The following KCNH8 variants were observed in gnomAD, a reference collection of about 807,000 sequenced individuals.
KCNH8 encodes the protein voltage-gated delayed rectifier potassium channel KCNH8.
A neutral mutation model predicts 103.6 loss-of-function variants in KCNH8; 70 were observed. The ratio of observed to expected loss-of-function variants is 0.68; its 90% CI spans 0.56 to 0.82. KCNH8 has a LOEUF of 0.82. Ranked by LOEUF, KCNH8 falls within the 40% of genes least tolerant of loss-of-function variation. The pLI is 0.00. For missense variants in KCNH8, 1,217 were observed against 1,329.9 expected (o/e 0.92, Z 1.32); for synonymous variants, 498 against 489.4 (o/e 1.02, Z -0.23).
At chr3:19,295,288 GT>G (rs752402780) in intron 3 of KCNH8, among the ~76,000 whole-genome samples, 5 of 151,918 alleles carry the variant, frequency 3.3e-5, no homozygotes, top group Admixed American at 1.3e-4. Context: ...GGGAGCTCAG[GT>G]GGGATAATTG....
At chr3:19,382,647 A>G (rs1197182088) in intron 5 of KCNH8, among the ~76,000 whole-genome samples, 2 of 151,962 alleles carry the variant, frequency 1.3e-5, no homozygotes, top group Admixed American at 6.6e-5. Flanking sequence ...TGAAGCCTAT[A>G]GAGTAGTAGT....
At chr3:19,244,854 T>A (rs1404086507) in intron 1 of KCNH8, among the ~76,000 whole-genome samples, 1 of 152,158 alleles carries the variant, frequency 6.6e-6, no homozygotes, top group Non-Finnish European at 1.5e-5. Context: ...TTCACATAGA[T>A]TCTAGATATT....
chr3:19,527,601 G>A (rs2069087437), intron 15 of KCNH8, among the ~76,000 whole-genome samples: 1 of 152,044 alleles, frequency 6.6e-6, no homozygotes. Context: ...GAAATGTAGG[G>A]CAACAATAAC....
intron 1 of KCNH8, among the ~76,000 whole-genome samples, chr3:19,175,220 A>AT (rs200814505): frequency 0.045 from 6,130 of 137,664 alleles, 380 homozygotes; most frequent in African/African-American, 0.13. Context: ...CTGTTTTGTA[A>AT]TTTTTTTTTT....
intron 15 of KCNH8, among the ~76,000 whole-genome samples, chr3:19,520,556 GA>G (rs199964885): frequency 0.082 from 12,504 of 151,578 alleles, 630 homozygotes; most frequent in African/African-American, 0.14. Flanking sequence ...AGTTTATATA[GA>G]AAAAAAACTT....
intron 7 of KCNH8, among the ~76,000 whole-genome samples, chr3:19,409,872 A>G (rs1055913866): frequency 6.6e-6 from 1 of 152,156 alleles, no homozygotes; most frequent in Admixed American, 6.6e-5. Flanking sequence ...AATTCATAAA[A>G]TGAGAACTTC....
At chr3:19,183,043 C>A (rs1312390158) in intron 1 of KCNH8, among the ~76,000 whole-genome samples, 1 of 152,032 alleles carries the variant, frequency 6.6e-6, no homozygotes, top group Non-Finnish European at 1.5e-5. Context: ...AGTTTCTCAA[C>A]CTGATTAAAG....
intron 3 of KCNH8, among the ~76,000 whole-genome samples, chr3:19,315,867 C>T (rs562154126): frequency 7.2e-5 from 11 of 151,904 alleles, no homozygotes; most frequent in South Asian, 6.2e-4. Context: ...GTTGGCCACA[C>T]GTATATAAGA....
At chr3:19,299,986 C>A (rs962660933) in intron 3 of KCNH8, among the ~76,000 whole-genome samples, 1 of 151,934 alleles carries the variant, frequency 6.6e-6, no homozygotes, top group Non-Finnish European at 1.5e-5. Context: ...TGGTAGCTCA[C>A]GCCTGTAATC....
intron 7 of KCNH8, among the ~76,000 whole-genome samples, chr3:19,403,400 A>ATATATATATATATATATATATATAT (rs1553591408): frequency 7.1e-6 from 1 of 141,654 alleles, no homozygotes; most frequent in African/African-American, 2.5e-5. Context: ...ATATATATAT[A>ATATATATATATATATATATATATAT]AAATCCTTCT....
intron 3 of KCNH8, among the ~76,000 whole-genome samples, chr3:19,319,247 T>TTA (rs1255562673): frequency 6.6e-6 from 1 of 152,104 alleles, no homozygotes; most frequent in Non-Finnish European, 1.5e-5. Context: ...CCTAAGCCAA[T>TTA]GTCTAGAAGA....
chr3:19,457,042 T>A lies in KCNH8; in HGVS notation c.2040+60T>A, dbSNP rs905226373. ...TAACATTGGGCCTGGAGATCATTTGTAACAGTAAAGGCAGATGTCATGACC... is the reference window on the plus strand; with the variant it reads ...TAACATTGGGCCTGGAGATCATTTGAAACAGTAAAGGCAGATGTCATGACC... On this transcript the variant is annotated intron_variant, in intron 11 of 15. Coordinates refer to ENST00000328405, the MANE Select transcript of KCNH8 (RefSeq NM_144633.3). 8 of 1,197,576 alleles carry A rather than the reference T, an allele frequency of 6.7e-6. No individual in the cohort carries two copies. In the African/African-American group the frequency reaches 9.2e-5, roughly 14 times the overall value. 74.2% of individuals were successfully genotyped at this position (1,197,576 alleles called of 1,614,324 possible).
chr3:19,521,872 A>T (rs1374282138), intron 15 of KCNH8, among the ~76,000 whole-genome samples: 12 of 152,078 alleles, frequency 7.9e-5, no homozygotes, highest in Middle Eastern at 3.4e-3. Flanking sequence ...CCATTACCTG[A>T]TATTACAATA....
At position 19,312,062 on chromosome 3, in the gene KCNH8, A is replaced by G. The variant is rs1303438730; in HGVS notation, c.443-30525A>G. Among the ~76,000 whole-genome samples, 9 of 152,050 alleles carry G rather than the reference A, an allele frequency of 5.9e-5. No homozygotes were observed. The East Asian group carries it at 1.7e-3, about 29-fold the overall frequency. The stretch of plus-strand genomic sequence containing the variant: ...GTTTTGCACTTATATATTATGTAAT[A>G]TTGATTGAATCCATTTTGAAAATCT... On this transcript the variant is annotated intron_variant, in intron 3 of 15. Transcript: ENST00000328405.
intron 3 of KCNH8, among the ~76,000 whole-genome samples, chr3:19,307,408 T>A (rs190850511): frequency 5.9e-5 from 9 of 151,958 alleles, no homozygotes; most frequent in Admixed American, 1.3e-4. Context: ...AGCAAAGCTG[T>A]GGAGAAAAGG....
chr3:19,462,334 C>G (rs1179909612), intron 11 of KCNH8, among the ~76,000 whole-genome samples: 1 of 152,208 alleles, frequency 6.6e-6, no homozygotes, highest in East Asian at 1.9e-4. Flanking sequence ...GATTGCCATT[C>G]TAACTGGTGT....
At chr3:19,376,341 G>A (rs928211786) in intron 5 of KCNH8, among the ~76,000 whole-genome samples, 3 of 152,174 alleles carry the variant, frequency 2.0e-5, no homozygotes, top group Admixed American at 6.5e-5. Context: ...CGCAGTATTC[G>A]GGTAGGAGTG....
At chr3:19,293,703 C>T (rs936619097) in intron 3 of KCNH8, among the ~76,000 whole-genome samples, 19 of 152,338 alleles carry the variant, frequency 1.2e-4, no homozygotes, top group Admixed American at 6.5e-4. Context: ...AACAACATTA[C>T]TAAAAAGTTG....
At chr3:19,360,946 T>C (rs1291223495) in intron 5 of KCNH8, among the ~76,000 whole-genome samples, 2 of 152,068 alleles carry the variant, frequency 1.3e-5, no homozygotes, top group Non-Finnish European at 2.9e-5. Flanking sequence ...TGAGTATTCA[T>C]TTAAGCAGAC....
Sources: gnomAD v4.1 joint callset for allele counts (sites outside exome capture counted in the v4.1 genomes callset) on GRCh38, gnomAD v4.1.1 for gene constraint, MANE v1.5 for transcripts, NCBI Gene and HGNC (gene_info 2026-07-23, HGNC 2026-07-21) for gene names.